DCAF8L2: variants seen among roughly 807,000 people sequenced by gnomAD.
DCAF8L2 encodes the protein DDB1 and CUL4 associated factor 8 like 2, also known as DDB1- and CUL4-associated factor 8-like protein 2.
For synonymous variants in DCAF8L2, 200 were observed against 190.9 expected (o/e 1.05, Z -0.39); for missense variants, 430 against 490.7 (o/e 0.88, Z 1.17).
At chrX:27,560,308 C>T in the DCAF8L2 span, among the ~76,000 whole-genome samples, 1 of 110,118 alleles carries the variant, frequency 9.1e-6, no homozygotes, top group Non-Finnish European at 1.9e-5. Context: ...ACTGCCTTAA[C>T]CTCTGTTCAC....
intron 3 of DCAF8L2, among the ~76,000 whole-genome samples, chrX:27,704,235 CACGT>C (rs1931256032): frequency 1.2e-5 from 1 of 86,795 alleles, no homozygotes; most frequent in African/African-American, 5.2e-5. Context: ...TGCGTGTACA[CACGT>C]GCGCACATAC....
chrX:27,514,293 G>A, the DCAF8L2 span, among the ~76,000 whole-genome samples: 1 of 57,647 alleles, frequency 1.7e-5, no homozygotes, highest in Non-Finnish European at 4.6e-5. Context: ...ATATGTGTGT[G>A]CATATGTGCA....
chrX:27,623,135 C>T (rs5926469), intron 1 of DCAF8L2, among the ~76,000 whole-genome samples: 36,048 of 110,378 alleles, frequency 0.33, 4,446 homozygotes, highest in Middle Eastern at 0.44. Context: ...GATCATAATA[C>T]AGTCTACATT....
At chrX:27,474,668 A>G in the DCAF8L2 span, among the ~76,000 whole-genome samples, 1 of 112,258 alleles carries the variant, frequency 8.9e-6, no homozygotes, top group Non-Finnish European at 1.9e-5. Context: ...AAAATCTTAC[A>G]CCTGAATAGC....
the DCAF8L2 span, among the ~76,000 whole-genome samples, chrX:27,475,142 G>A: frequency 1.8e-5 from 2 of 110,965 alleles, no homozygotes; most frequent in Non-Finnish European, 3.8e-5. Flanking sequence ...GGCCAGAGTC[G>A]ATTTTTTCAT....
intron 1 of DCAF8L2, among the ~76,000 whole-genome samples, chrX:27,600,409 G>C (rs1171311143): frequency 1.8e-5 from 2 of 111,551 alleles, no homozygotes; most frequent in Admixed American, 1.9e-4. Context: ...CTCAAACTTT[G>C]TTTGAGTTTT....
At chrX:27,579,263 T>C in the DCAF8L2 span, among the ~76,000 whole-genome samples, 1 of 111,275 alleles carries the variant, frequency 9.0e-6, no homozygotes, top group African/African-American at 3.3e-5. Flanking sequence ...TGTAGAGACA[T>C]GGATGGAGCT....
chrX:27,519,769 T>G, the DCAF8L2 span: 1 of 535,136 alleles, frequency 1.9e-6, no homozygotes, highest in East Asian at 3.4e-5. Context: ...TGAAACCAAT[T>G]TGAGGCTTTT....
chrX:27,481,437 A>G, the DCAF8L2 span, among the ~76,000 whole-genome samples: 5 of 111,295 alleles, frequency 4.5e-5, no homozygotes, highest in South Asian at 3.7e-4. Context: ...CATAAGAACA[A>G]TAGGAAGCCT....
the DCAF8L2 span, among the ~76,000 whole-genome samples, chrX:27,579,615 T>C: frequency 2.3e-5 from 2 of 87,937 alleles, no homozygotes; most frequent in Non-Finnish European, 2.2e-5. Flanking sequence ...TTCAGAGAAA[T>C]ACACACACAC....
At chrX:27,479,343 G>A in the DCAF8L2 span, among the ~76,000 whole-genome samples, 5 of 111,134 alleles carry the variant, frequency 4.5e-5, no homozygotes, top group Non-Finnish European at 7.5e-5. Flanking sequence ...CTTTGTTTTA[G>A]CCTAGTGGTC....
intron 2 of DCAF8L2, among the ~76,000 whole-genome samples, chrX:27,673,443 G>A (rs1930023791): frequency 9.8e-6 from 1 of 102,425 alleles, no homozygotes; most frequent in Non-Finnish European, 2.0e-5. Flanking sequence ...GGGAGGCGGA[G>A]GTTACAGTGA....
At chrX:27,545,145 G>T in the DCAF8L2 span, among the ~76,000 whole-genome samples, 1 of 111,499 alleles carries the variant, frequency 9.0e-6, no homozygotes, top group Non-Finnish European at 1.9e-5. Context: ...AGTAGCTAAG[G>T]TGCATGAACT....
At chrX:27,520,671 A>G in the DCAF8L2 span, among the ~76,000 whole-genome samples, 1 of 112,340 alleles carries the variant, frequency 8.9e-6, no homozygotes, top group Middle Eastern at 4.7e-3. Context: ...AGTGTATGAT[A>G]GGCTGTATAT....
chrX:27,708,187 ATTG>A (rs1032415133), intron 3 of DCAF8L2, among the ~76,000 whole-genome samples: 13 of 111,047 alleles, frequency 1.2e-4, no homozygotes, highest in Non-Finnish European at 7.5e-5. Context: ...ACCAGTGTCT[ATTG>A]TTCCCATCTT....
the DCAF8L2 span, among the ~76,000 whole-genome samples, chrX:27,581,589 A>T: frequency 4.2e-5 from 4 of 95,124 alleles, no homozygotes; most frequent in Non-Finnish European, 4.1e-5. Context: ...ATTTAATACA[A>T]TTTTTTTTTT....
At chrX:27,531,445 A>G in the DCAF8L2 span, among the ~76,000 whole-genome samples, 2,299 of 112,073 alleles carry the variant, frequency 0.021, 52 homozygotes, top group African/African-American at 0.068. Flanking sequence ...ACACAAAGCC[A>G]AACCATATCA....
At chrX:27,733,536 A>G (rs1322020519) in intron 4 of DCAF8L2, among the ~76,000 whole-genome samples, 1 of 111,589 alleles carries the variant, frequency 9.0e-6, no homozygotes, top group Non-Finnish European at 1.9e-5. Context: ...AGTTTGATAT[A>G]TCCCACTTTT....
intron 1 of DCAF8L2, among the ~76,000 whole-genome samples, chrX:27,609,662 A>G (rs1316298003): frequency 9.0e-6 from 1 of 111,462 alleles, no homozygotes; most frequent in Non-Finnish European, 1.9e-5. Context: ...TTTTAGTGCT[A>G]AAGTTTATTA....
Sources: gnomAD v4.1 joint callset for allele counts (sites outside exome capture counted in the v4.1 genomes callset) on GRCh38, gnomAD v4.1.1 for gene constraint, MANE v1.5 for transcripts, NCBI Gene and HGNC (gene_info 2026-07-23, HGNC 2026-07-21) for gene names.